Variants in ROCK1 observed in about 807,000 individuals in gnomAD.
ROCK1 encodes rho-associated protein kinase 1.
In ROCK1, 36 loss-of-function variants were observed where a neutral mutation model predicts 196.8. The observed-to-expected ratio is 0.18, with a 90% CI of 0.14 to 0.24. The LOEUF is 0.24. Among genes scored for constraint, ROCK1 ranks in the 10% least tolerant of loss-of-function variants. ROCK1 has a pLI of 1.00. For synonymous variants in ROCK1, 443 were observed against 515.9 expected (o/e 0.86, Z 1.91); for missense variants, 920 against 1,562.0 (o/e 0.59, Z 6.93).
At chr18:21,104,600 A>G (rs571235981) in intron 1 of ROCK1, among the ~76,000 whole-genome samples, 34 of 152,294 alleles carry the variant, frequency 2.2e-4, no homozygotes, top group Admixed American at 6.5e-4. Flanking sequence ...TCTGACTCAA[A>G]AGATTAATGA....
intron 3 of ROCK1, 86 bp downstream of exon 3, chr18:21,049,694 G>T: frequency 1.2e-6 from 1 of 861,324 alleles, no homozygotes. Context: ...TATAAAAACA[G>T]TATTTTCCCA....
chr18:21,020,769 A>T (rs552726925), intron 11 of ROCK1, among the ~76,000 whole-genome samples: 2 of 152,336 alleles, frequency 1.3e-5, no homozygotes, highest in African/African-American at 4.8e-5. Flanking sequence ...GGCAGAAGAA[A>T]ATATGATATA....
chr18:21,079,921 G>C (rs1395402321), intron 1 of ROCK1, among the ~76,000 whole-genome samples: 1 of 152,190 alleles, frequency 6.6e-6, no homozygotes. Context: ...TTGTGCAGTA[G>C]AATACTGCTT....
intron 1 of ROCK1, among the ~76,000 whole-genome samples, chr18:21,085,375 G>A (rs753984209): frequency 3.0e-5 from 3 of 100,624 alleles, no homozygotes; most frequent in African/African-American, 1.0e-4. Context: ...TTCATGTTAC[G>A]TATATTTTAC....
At chr18:20,971,749 C>T (rs1346807676) in intron 22 of ROCK1, among the ~76,000 whole-genome samples, 1 of 149,680 alleles carries the variant, frequency 6.7e-6, no homozygotes, top group South Asian at 2.1e-4. Context: ...AGTTCCTGCC[C>T]TCAGGGAGCA....
chr18:20,987,999 T>A (rs1469638837), intron 18 of ROCK1, among the ~76,000 whole-genome samples: 2 of 152,148 alleles, frequency 1.3e-5, no homozygotes, highest in African/African-American at 2.4e-5. Context: ...AAAGTTAACA[T>A]ATCCACAATA....
At chr18:20,991,762 G>C (rs1404361662) in intron 17 of ROCK1, among the ~76,000 whole-genome samples, 1 of 151,768 alleles carries the variant, frequency 6.6e-6, no homozygotes, top group Non-Finnish European at 1.5e-5. Context: ...AGCCTCTGGA[G>C]TGGCTAGTAT....
intron 1 of ROCK1, among the ~76,000 whole-genome samples, chr18:21,107,533 A>G (rs534788350): frequency 1.3e-5 from 2 of 152,346 alleles, no homozygotes; most frequent in South Asian, 4.1e-4. Flanking sequence ...AAGGCAACCA[A>G]TGTAAAAGGA....
chr18:20,959,110 TATATTATATAA>T (rs2035293774), intron 29 of ROCK1, among the ~76,000 whole-genome samples: 1 of 53,126 alleles, frequency 1.9e-5, no homozygotes, highest in Non-Finnish European at 2.9e-5. Flanking sequence ...ATATTATATA[TATATTATATAA>T]TATATATATT....
intron 1 of ROCK1, among the ~76,000 whole-genome samples, chr18:21,088,067 G>A (rs2036541498): frequency 6.6e-6 from 1 of 152,092 alleles, no homozygotes; most frequent in African/African-American, 2.4e-5. Context: ...ATAATTTCTG[G>A]GTCAAAGGGA....
chr18:21,090,839 T>G (rs913043676), intron 1 of ROCK1, among the ~76,000 whole-genome samples: 1 of 150,754 alleles, frequency 6.6e-6, no homozygotes, highest in Non-Finnish European at 1.5e-5. Flanking sequence ...TCACAGAGCT[T>G]ACATGTAAGA....
chr18:21,049,532 T>C (rs2036187788), intron 3 of ROCK1, among the ~76,000 whole-genome samples: 1 of 152,236 alleles, frequency 6.6e-6, no homozygotes, highest in African/African-American at 2.4e-5. Context: ...CATTTTAGTC[T>C]AATATTAGGA....
rs180881767 is a variant in ROCK1 at position 21,086,832 on chromosome 18, T to C, written c.94-16219A>G. Among the ~76,000 whole-genome samples the C allele has an allele frequency of 4.7e-5, 7 of 150,312 alleles. No homozygotes were observed. The East Asian group carries it at 1.4e-3, about 29-fold the overall frequency. On this transcript the variant is annotated intron_variant, in intron 1 of 32. Transcript: ENST00000399799. ...AGAGATTTGTCACAAGCAGACATTC[T>C]AAAATAATGGTTAAAGGAAATTCTC...
chr18:21,082,048 C>T (rs1162573078), intron 1 of ROCK1, among the ~76,000 whole-genome samples: 2 of 152,112 alleles, frequency 1.3e-5, no homozygotes, highest in Non-Finnish European at 2.9e-5. Flanking sequence ...GCTTCCTGGA[C>T]TTCAAGCTAT....
intron 22 of ROCK1, among the ~76,000 whole-genome samples, chr18:20,972,331 C>T (rs2035437085): frequency 6.6e-6 from 1 of 152,086 alleles, no homozygotes; most frequent in African/African-American, 2.4e-5. Flanking sequence ...GAGCAGTTCG[C>T]AAGGTCAGGG....
At chr18:21,084,639 T>A (rs1451336387) in intron 1 of ROCK1, among the ~76,000 whole-genome samples, 1 of 152,150 alleles carries the variant, frequency 6.6e-6, no homozygotes, top group African/African-American at 2.4e-5. Context: ...TGAAACGTAA[T>A]GAAACTGGAA....
chr18:21,074,888 T>G (rs1304167227), intron 1 of ROCK1, among the ~76,000 whole-genome samples: 1 of 152,004 alleles, frequency 6.6e-6, no homozygotes, highest in African/African-American at 2.4e-5. Context: ...GAGCTGAACC[T>G]TGAAGAATAG....
chr18:20,958,988 A>T (rs1183046704), intron 29 of ROCK1, among the ~76,000 whole-genome samples: 10 of 84,826 alleles, frequency 1.2e-4, no homozygotes, highest in Middle Eastern at 5.1e-3. Flanking sequence ...TATATTTTAT[A>T]AAAAATAATA....
intron 1 of ROCK1, among the ~76,000 whole-genome samples, chr18:21,072,861 A>G (rs2036396850): frequency 6.6e-6 from 1 of 152,072 alleles, no homozygotes; most frequent in Non-Finnish European, 1.5e-5. Context: ...GCCTGAGATC[A>G]GGAGTTAGAG....
Sources: allele counts gnomAD v4.1 joint callset (sites outside exome capture counted in the v4.1 genomes callset), GRCh38; gene constraint gnomAD v4.1.1; transcripts MANE v1.5; gene names NCBI Gene and HGNC (gene_info 2026-07-23, HGNC 2026-07-21).